SLC5A12: variants seen among roughly 807,000 people sequenced by gnomAD.
The protein encoded by SLC5A12 is sodium-coupled monocarboxylate transporter 2.
A neutral mutation model predicts 72.7 loss-of-function variants in SLC5A12; 46 were observed. That is an observed-to-expected ratio of 0.63 (90% CI 0.50 to 0.81). The LOEUF is 0.81. SLC5A12 is among the 30% of genes least tolerant of loss of function. The pLI, the probability that SLC5A12 is intolerant of heterozygous loss-of-function variation, is 0.00. For missense variants in SLC5A12, 683 were observed against 740.7 expected, an observed-to-expected ratio of 0.92 and a Z score of 0.90; for synonymous variants, 275 against 264.4, an observed-to-expected ratio of 1.04 and a Z score of -0.39.
At chr11:26,674,590 A>G (rs1565182741) in intron 13 of SLC5A12, among the ~76,000 whole-genome samples, 1 of 151,980 alleles carries the variant, frequency 6.6e-6, no homozygotes, top group Non-Finnish European at 1.5e-5. Flanking sequence ...TTTTGTAGAG[A>G]TGGGATTTCA....
At chr11:26,687,641 T>C (rs541149787) in intron 9 of SLC5A12, among the ~76,000 whole-genome samples, 46 of 152,356 alleles carry the variant, frequency 3.0e-4, no homozygotes, top group Non-Finnish European at 6.0e-4. Context: ...TATGTATTTA[T>C]CATTTTTATT....
chr11:26,721,407 A>G lies in SLC5A12; in HGVS notation c.308T>C (p.Phe103Ser). Reference protein sequence around the residue: ...LLTSELFLPVFYRSGITSTYE... With the variant: ...LLTSELFLPVSYRSGITSTYE... Reference sequence around the variant, plus strand: ...AGTGCTGGTGATACCAGATCTGTAGAACACAGGGAGAAAGAGCTCTGATGT... The same window carrying G: ...AGTGCTGGTGATACCAGATCTGTAGGACACAGGGAGAAAGAGCTCTGATGT... Residue 103 changes from phenylalanine (F) to serine (S), a missense_variant, in exon 1 of 15, where the codon TTC becomes TCC. Phe to Ser is a radical substitution (Grantham distance 155). Transcript: ENST00000396005. 1.2e-6 allele frequency: 2 copies of G among 1,613,992 alleles called. No homozygotes were observed. Among genetic ancestry groups the G allele is most frequent in the Non-Finnish European group, 1.7e-6 (2 of 1,179,920 alleles).
At position 26,719,676 on chromosome 11, in the gene SLC5A12, C is replaced by T. The variant is rs896287348; in HGVS notation, c.339+1700G>A. ...TCAGCCTGAGATGCACTTCCCTTGTCTGGTGCAATTATTTGCTTTCTTCCA... is the reference window on the plus strand; with the variant it reads ...TCAGCCTGAGATGCACTTCCCTTGTTTGGTGCAATTATTTGCTTTCTTCCA... On this transcript the variant is annotated intron_variant, in intron 1 of 14. Transcript: ENST00000396005. Among the ~76,000 whole-genome samples the T allele has an allele frequency of 2.6e-5, 4 of 152,130 alleles. No individual in the cohort carries two copies. In the South Asian group the frequency reaches 8.3e-4, roughly 32 times the overall value.
At chr11:26,712,208 G>A (rs564177246) in intron 2 of SLC5A12, among the ~76,000 whole-genome samples, 3 of 151,926 alleles carry the variant, frequency 2.0e-5, no homozygotes, top group Non-Finnish European at 4.4e-5. Flanking sequence ...GAGGGAAGTA[G>A]GAGTATTAGC....
intron 9 of SLC5A12, among the ~76,000 whole-genome samples, chr11:26,687,985 T>A (rs766732251): frequency 6.6e-6 from 1 of 152,194 alleles, no homozygotes; most frequent in African/African-American, 2.4e-5. Flanking sequence ...ACATGTTTTT[T>A]CTCTCCTTCT....
In SLC5A12 at chr11:26,712,695, T is replaced by G; in HGVS notation, c.351A>C (p.Leu117=). The change falls in exon 2 of 15, where the codon CTA becomes CTC. Residue 117 remains leucine (L), a synonymous_variant. Transcript: ENST00000396005. ...CATAGCGAACTGGTTTGTTGAATCG[T>G]AGTTGTAAGTACTAAAGGAAACAGA... ...GITSTYEYLQ[L]RFNKPVRYAA... 1 of 1,587,986 alleles carries G rather than the reference T, an allele frequency of 6.3e-7. No individual in the cohort carries two copies. The highest frequency in any genetic ancestry group is 8.6e-7 in the Non-Finnish European group (1 of 1,160,788).
Position 26,709,363 on chromosome 11 carries a change from G to A in SLC5A12, c.474C>T (p.Leu158=). ...TTCCTGTTGCAAACACAGAGCCCCAGAGATCAAACCCAGTCACTAGGAAAG... is the reference window on the plus strand; with the variant it reads ...TTCCTGTTGCAAACACAGAGCCCCAAAGATCAAACCCAGTCACTAGGAAAG... The part of the protein sequence containing the change: ...LALNQVTGFD[L]WGSVFATGIV... Residue 158 remains leucine, a synonymous_variant, in exon 4 of 15, where the codon CTC becomes CTT. Transcript: ENST00000396005. 6.2e-7 allele frequency: 1 copy of A among 1,611,226 alleles called. No individual in the cohort carries two copies. The highest frequency in any genetic ancestry group is 8.5e-7 in the Non-Finnish European group (1 of 1,178,482).
chr11:26,691,205 G>T (rs767995310), intron 9 of SLC5A12, among the ~76,000 whole-genome samples: 16 of 151,592 alleles, frequency 1.1e-4, no homozygotes, highest in Non-Finnish European at 2.1e-4. Flanking sequence ...TATATCAAAA[G>T]ACATAAATTA....
At position 26,671,233 on chromosome 11, in the gene SLC5A12, T is replaced by C. The variant is rs777390489; in HGVS notation, c.1726A>G (p.Ser576Gly). ...GATTCAGCCCCCTGTTTCCGGGCACTGCCATTCTCAAGGTTTTCCTGAGGG... is the reference window on the plus strand; with the variant it reads ...GATTCAGCCCCCTGTTTCCGGGCACCGCCATTCTCAAGGTTTTCCTGAGGG... The part of the protein sequence containing the change: ...GTEQENLENG[S>G]ARKQGAESVL... The change falls in exon 15 of 15, where the codon AGT (serine) becomes GGT (glycine). Residue 576 changes from serine to glycine, a missense_variant. Coordinates refer to ENST00000396005, the MANE Select transcript of SLC5A12 (RefSeq NM_178498.4). 3.7e-6 allele frequency: 6 copies of C among 1,601,950 alleles called. No homozygotes were observed. Among genetic ancestry groups the C allele is most frequent in the Non-Finnish European group, 5.1e-6 (6 of 1,174,570 alleles).
intron 4 of SLC5A12, among the ~76,000 whole-genome samples, chr11:26,708,640 G>T (rs559194286): frequency 1.3e-5 from 2 of 152,040 alleles, no homozygotes; most frequent in Admixed American, 1.3e-4. Context: ...ATTATAGGTT[G>T]TACATGGTAC....
chr11:26,704,173 C>CAGATGTT (rs1386902491), intron 4 of SLC5A12, among the ~76,000 whole-genome samples: 1 of 152,068 alleles, frequency 6.6e-6, no homozygotes, highest in East Asian at 1.9e-4. Context: ...ATGGGAGAAG[C>CAGATGTT]AGATGTTAGA....
chr11:26,722,079 G>T, upstream of SLC5A12: 1 of 196,272 alleles, frequency 5.1e-6, no homozygotes. Flanking sequence ...CAGATAACAT[G>T]CTGTTTTATC....
At chr11:26,693,794 A>G (rs1203982058) in intron 8 of SLC5A12, among the ~76,000 whole-genome samples, 1 of 152,176 alleles carries the variant, frequency 6.6e-6, no homozygotes, top group Non-Finnish European at 1.5e-5. Context: ...ATATATATAT[A>G]TAGGAAGTAA....
intron 8 of SLC5A12, among the ~76,000 whole-genome samples, chr11:26,695,107 C>A (rs1251369597): frequency 6.6e-6 from 1 of 151,228 alleles, no homozygotes; most frequent in Non-Finnish European, 1.5e-5. Context: ...TTTTTAAAAC[C>A]CCTAGATATC....
At chr11:26,713,993 T>C (rs1478693951) in intron 1 of SLC5A12, among the ~76,000 whole-genome samples, 1 of 152,100 alleles carries the variant, frequency 6.6e-6, no homozygotes, top group Non-Finnish European at 1.5e-5. Context: ...ACCTCCCTCA[T>C]ATAAGGATAT....
rs1218279852 is a variant in SLC5A12 at position 26,673,316 on chromosome 11, T to C, written c.1707+86A>G. ...CACACTCACTGCTTTCCCTTTCCAGTGCATCTTTGCAGCCGGTTTAAATGG... is the reference window on the plus strand; with the variant it reads ...CACACTCACTGCTTTCCCTTTCCAGCGCATCTTTGCAGCCGGTTTAAATGG... On this transcript the variant is annotated intron_variant, in intron 14 of 14. Transcript: ENST00000396005. 11 of 1,330,270 alleles carry C rather than the reference T, an allele frequency of 8.3e-6. 1 individual carries two copies. Among genetic ancestry groups the C allele is most frequent in the South Asian group, 4.2e-5 (2 of 47,078 alleles). 82.4% of individuals were successfully genotyped at this position (1,330,270 alleles called of 1,614,324 possible).
At chr11:26,697,113 T>A in intron 8 of SLC5A12, 51 bp downstream of exon 8, 1 of 1,472,534 alleles carries the variant, frequency 6.8e-7, no homozygotes. Context: ...TACACCATCA[T>A]CCTTGTTATC....
Position 26,721,347 on chromosome 11 carries a change from AT to A in SLC5A12, c.339+28del, listed in dbSNP as rs199753466. On this transcript the variant is annotated intron_variant, in intron 1 of 14. Transcript: ENST00000396005. The stretch of plus-strand genomic sequence containing the variant: ...ATCATCAAGAGGATGAGAAAAAAAA[AT>A]TAGAGAAGAATGGAGAAATCATCTT... The A allele has an allele frequency of 5.4e-3, 8,297 of 1,540,048 alleles. 172 individuals carry two copies. The East Asian group carries it at 0.076, about 14-fold the overall frequency.
At chr11:26,689,790 G>T (rs1854623034) in intron 9 of SLC5A12, among the ~76,000 whole-genome samples, 1 of 152,190 alleles carries the variant, frequency 6.6e-6, no homozygotes, top group South Asian at 2.1e-4. Context: ...TCAAAAATAT[G>T]ATGGATTAAT....
Sources: allele counts gnomAD v4.1 joint callset (sites outside exome capture counted in the v4.1 genomes callset), GRCh38; gene constraint gnomAD v4.1.1; transcripts MANE v1.5; gene names NCBI Gene and HGNC (gene_info 2026-07-23, HGNC 2026-07-21).